The following IL1RAPL1 variants were observed in gnomAD, a reference collection of about 807,000 sequenced individuals.
The protein encoded by IL1RAPL1 is interleukin 1 receptor accessory protein like 1, also known as interleukin-1 receptor accessory protein-like 1.
In IL1RAPL1, 3 loss-of-function variants were observed where a neutral mutation model predicts 48.4. The observed-to-expected ratio is 0.06, with a 90% confidence interval of 0.03 to 0.16. The LOEUF is 0.16. Among genes scored for constraint, IL1RAPL1 ranks in the 10% least tolerant of loss-of-function variants. IL1RAPL1 has a pLI of 1.00. For synonymous variants in IL1RAPL1, 185 were observed against 187.7 expected, an observed-to-expected ratio of 0.99 and a Z score of 0.12; for missense variants, 349 against 530.6, an observed-to-expected ratio of 0.66 and a Z score of 3.36.
At chrX:29,949,110 G>T (rs1002780980) in intron 9 of IL1RAPL1, among the ~76,000 whole-genome samples, 8 of 111,858 alleles carry the variant, frequency 7.2e-5, no homozygotes, top group Non-Finnish European at 1.3e-4. Flanking sequence ...AACATTGAGG[G>T]TATTATCCTC....
intron 3 of IL1RAPL1, among the ~76,000 whole-genome samples, chrX:29,360,050 A>G (rs1211213984): frequency 8.9e-6 from 1 of 111,784 alleles, no homozygotes; most frequent in Non-Finnish European, 1.9e-5. Context: ...AATTCTCTTG[A>G]CATGCCAGGA....
At chrX:29,414,365 C>T (rs1255191040) in intron 5 of IL1RAPL1, among the ~76,000 whole-genome samples, 1 of 111,836 alleles carries the variant, frequency 8.9e-6, no homozygotes, top group African/African-American at 3.3e-5. Context: ...ATATATCTTA[C>T]CACACAAAAA....
chrX:28,630,718 T>C (rs1196559595), intron 1 of IL1RAPL1, among the ~76,000 whole-genome samples: 3 of 112,482 alleles, frequency 2.7e-5, no homozygotes, highest in Non-Finnish European at 5.6e-5. Context: ...TGAGAGTGAA[T>C]GATTTCAGAT....
At chrX:28,781,188 C>T (rs1436683837) in intron 1 of IL1RAPL1, among the ~76,000 whole-genome samples, 1 of 111,028 alleles carries the variant, frequency 9.0e-6, no homozygotes, top group Non-Finnish European at 1.9e-5. Flanking sequence ...AGTTCAGGGT[C>T]TCACAAGTGT....
At chrX:29,052,674 T>A (rs28558445) in intron 2 of IL1RAPL1, among the ~76,000 whole-genome samples, 14,950 of 109,188 alleles carry the variant, frequency 0.14, 1,013 homozygotes, top group Non-Finnish European at 0.2. Flanking sequence ...ATTTATCTTT[T>A]AAAAAAATTT....
intron 2 of IL1RAPL1, among the ~76,000 whole-genome samples, chrX:28,812,220 GTA>G (rs1395674066): frequency 9.0e-6 from 1 of 110,503 alleles, no homozygotes; most frequent in Non-Finnish European, 1.9e-5. Flanking sequence ...AACAATGTGT[GTA>G]TATATATATT....
chrX:28,608,942 C>T (rs1262881260), intron 1 of IL1RAPL1, among the ~76,000 whole-genome samples: 3 of 111,185 alleles, frequency 2.7e-5, no homozygotes, highest in Non-Finnish European at 5.7e-5. Context: ...TTTTTTTTCT[C>T]CTGTTCTTTA....
intron 6 of IL1RAPL1, among the ~76,000 whole-genome samples, chrX:29,738,901 T>C (rs1928126075): frequency 1.8e-5 from 2 of 112,616 alleles, no homozygotes; most frequent in South Asian, 3.6e-4. Flanking sequence ...CCCTCCACTG[T>C]ATCTTCCAGG....
chrX:28,891,862 C>T (rs1248950940), intron 2 of IL1RAPL1, among the ~76,000 whole-genome samples: 1 of 111,509 alleles, frequency 9.0e-6, no homozygotes, highest in African/African-American at 3.3e-5. Context: ...GCCAGTTCCT[C>T]CACATCCTTA....
intron 2 of IL1RAPL1, among the ~76,000 whole-genome samples, chrX:29,272,458 T>C (rs748173033): frequency 1.8e-5 from 2 of 112,006 alleles, no homozygotes; most frequent in East Asian, 5.6e-4. Flanking sequence ...GAATTTTTTT[T>C]TTAACAATTC....
intron 2 of IL1RAPL1, among the ~76,000 whole-genome samples, chrX:28,888,735 T>G (rs1225378010): frequency 9.0e-6 from 1 of 111,622 alleles, no homozygotes; most frequent in Non-Finnish European, 1.9e-5. Flanking sequence ...TTGCATAAAA[T>G]GCTTCCTGAC....
At chrX:29,475,837 T>G (rs1934967493) in intron 5 of IL1RAPL1, among the ~76,000 whole-genome samples, 1 of 111,171 alleles carries the variant, frequency 9.0e-6, no homozygotes, top group African/African-American at 3.3e-5. Context: ...TTATGAAGTT[T>G]TTTTTTTTTA....
chrX:29,900,106 G>GC (rs1308273934), intron 6 of IL1RAPL1, among the ~76,000 whole-genome samples: 1 of 111,448 alleles, frequency 9.0e-6, no homozygotes, highest in Non-Finnish European at 1.9e-5. Flanking sequence ...GCAAACTTCT[G>GC]CCTGAAAAAC....
At chrX:29,556,896 A>G (rs1022307432) in intron 5 of IL1RAPL1, among the ~76,000 whole-genome samples, 5 of 111,859 alleles carry the variant, frequency 4.5e-5, no homozygotes, top group Non-Finnish European at 9.4e-5. Flanking sequence ...ATTAATACAT[A>G]TGGATACCTA....
At chrX:29,812,031 A>G (rs1225336407) in intron 6 of IL1RAPL1, among the ~76,000 whole-genome samples, 1 of 112,010 alleles carries the variant, frequency 8.9e-6, no homozygotes, top group Admixed American at 9.5e-5. Context: ...AAAATGTGAT[A>G]AGAAGAAACG....
intron 2 of IL1RAPL1, among the ~76,000 whole-genome samples, chrX:29,275,401 C>T (rs890366290): frequency 5.4e-5 from 6 of 111,672 alleles, no homozygotes; most frequent in African/African-American, 2.0e-4. Context: ...CTTATTTTCA[C>T]CTCCTTACAC....
chrX:29,183,562 C>A (rs1930189129), intron 2 of IL1RAPL1, among the ~76,000 whole-genome samples: 2 of 112,031 alleles, frequency 1.8e-5, no homozygotes, highest in Admixed American at 9.5e-5. Flanking sequence ...CATCTCTATA[C>A]CCTGTGGTAC....
chrX:28,789,538 G>T, intron 2 of IL1RAPL1, 113 bp downstream of exon 2: 1 of 563,914 alleles, frequency 1.8e-6, no homozygotes, highest in Non-Finnish European at 3.1e-6. Flanking sequence ...TCAATATTGT[G>T]GAGATATTGT....
rs1290878239 is a variant in IL1RAPL1 at position 29,446,851 on chromosome X, C to T, written c.703+47543C>T. Among the ~76,000 whole-genome samples the T allele has an allele frequency of 2.7e-5, 3 of 111,075 alleles. No homozygotes were observed. The East Asian group carries it at 8.5e-4, about 31-fold the overall frequency. Reference sequence around the variant, plus strand: ...GTGGTGTGCTGAAGACAACTTGTATCAGCTCGCAAGAGACTGGTAAATGGT... The same window carrying T: ...GTGGTGTGCTGAAGACAACTTGTATTAGCTCGCAAGAGACTGGTAAATGGT... On this transcript the variant is annotated intron_variant, in intron 5 of 10. Transcript: ENST00000378993.
Sources: gnomAD v4.1 joint callset for allele counts (sites outside exome capture counted in the v4.1 genomes callset) on GRCh38, gnomAD v4.1.1 for gene constraint, MANE v1.5 for transcripts, NCBI Gene and HGNC (gene_info 2026-07-23, HGNC 2026-07-21) for gene names.